Variants in EXOC6B observed in about 807,000 individuals in gnomAD.
The protein encoded by EXOC6B is exocyst complex component 6B.
A neutral mutation model predicts 113.5 loss-of-function variants in EXOC6B; 54 were observed. The ratio of observed to expected loss-of-function variants is 0.48; its 90% CI spans 0.38 to 0.60. The LOEUF (loss-of-function observed/expected upper bound fraction) is 0.60. Among genes scored for constraint, EXOC6B ranks in the 20% least tolerant of loss-of-function variants. EXOC6B has a pLI of 0.00. For synonymous variants in EXOC6B, 357 were observed against 339.0 expected, an observed-to-expected ratio of 1.05 and a Z score of -0.58; for missense variants, 797 against 977.5, an observed-to-expected ratio of 0.82 and a Z score of 2.46.
intron 6 of EXOC6B, among the ~76,000 whole-genome samples, chr2:72,634,976 T>C (rs1329861576): frequency 6.7e-6 from 1 of 149,574 alleles, no homozygotes; most frequent in Non-Finnish European, 1.5e-5. Flanking sequence ...AATATATGGG[T>C]CAAGAAAACA....
At chr2:72,572,445 C>T (rs1024103376) in intron 7 of EXOC6B, among the ~76,000 whole-genome samples, 1 of 152,184 alleles carries the variant, frequency 6.6e-6, no homozygotes, top group Non-Finnish European at 1.5e-5. Context: ...CACAAACCCC[C>T]TGAAATTTCA....
chr2:72,180,464 A>G (rs1678009165), intron 21 of EXOC6B, among the ~76,000 whole-genome samples: 1 of 152,206 alleles, frequency 6.6e-6, no homozygotes, highest in Non-Finnish European at 1.5e-5. Context: ...GCTGCTGCAC[A>G]CCAGACCCAT....
intron 1 of EXOC6B, among the ~76,000 whole-genome samples, chr2:72,823,982 G>A (rs1401078183): frequency 6.6e-6 from 1 of 152,150 alleles, no homozygotes; most frequent in African/African-American, 2.4e-5. Flanking sequence ...TGAAGAAAAT[G>A]GGAATTGAGA....
At chr2:72,645,459 C>G (rs554384851) in intron 6 of EXOC6B, among the ~76,000 whole-genome samples, 2 of 152,362 alleles carry the variant, frequency 1.3e-5, no homozygotes, top group East Asian at 3.9e-4. Context: ...ACCTACAGAA[C>G]TCTCCACCCC....
intron 1 of EXOC6B, among the ~76,000 whole-genome samples, chr2:72,766,330 C>T (rs1683059650): frequency 6.6e-6 from 1 of 152,146 alleles, no homozygotes; most frequent in Non-Finnish European, 1.5e-5. Context: ...GAAGAAAACA[C>T]TATCCAAAAC....
intron 6 of EXOC6B, among the ~76,000 whole-genome samples, chr2:72,586,459 C>A (rs112260242): frequency 6.6e-6 from 1 of 151,930 alleles, no homozygotes; most frequent in South Asian, 2.1e-4. Context: ...AAAAAAGACA[C>A]ACCGCAAACT....
chr2:72,764,286 T>C (rs1415618547), intron 1 of EXOC6B, among the ~76,000 whole-genome samples: 1 of 151,936 alleles, frequency 6.6e-6, no homozygotes, highest in Admixed American at 6.6e-5. Context: ...TATGCTTTTG[T>C]TTCTTGTATT....
chr2:72,597,412 G>A (rs1201894560), intron 6 of EXOC6B, among the ~76,000 whole-genome samples: 1 of 151,412 alleles, frequency 6.6e-6, no homozygotes, highest in Admixed American at 6.6e-5. Context: ...GCAAACCCAA[G>A]AACAACTGGT....
intron 1 of EXOC6B, among the ~76,000 whole-genome samples, chr2:72,781,558 C>G (rs1684036940): frequency 6.6e-6 from 1 of 152,112 alleles, no homozygotes; most frequent in Admixed American, 6.6e-5. Flanking sequence ...GCAAAAGCCA[C>G]CATAGACAAT....
At chr2:72,771,644 C>G (rs535030789) in intron 1 of EXOC6B, among the ~76,000 whole-genome samples, 1 of 152,128 alleles carries the variant, frequency 6.6e-6, no homozygotes, top group East Asian at 1.9e-4. Flanking sequence ...AAACAAGCAG[C>G]CAAATTTATG....
intron 16 of EXOC6B, among the ~76,000 whole-genome samples, chr2:72,486,662 A>G (rs1699437735): frequency 6.6e-6 from 1 of 152,086 alleles, no homozygotes; most frequent in African/African-American, 2.4e-5. Flanking sequence ...TTGCATTCAC[A>G]CACTCTGATT....
intron 6 of EXOC6B, among the ~76,000 whole-genome samples, chr2:72,598,297 C>A (rs868701478): frequency 2.6e-5 from 4 of 151,766 alleles, no homozygotes; most frequent in Non-Finnish European, 5.9e-5. Context: ...TGAGATTAAA[C>A]AACATACTTC....
chr2:72,230,009 A>G (rs1353234703), intron 20 of EXOC6B, among the ~76,000 whole-genome samples: 1 of 152,156 alleles, frequency 6.6e-6, no homozygotes, highest in Non-Finnish European at 1.5e-5. Context: ...GAACAGACAA[A>G]GCAGGAAAAA....
chr2:72,487,019 A>G (rs1221645465), intron 16 of EXOC6B, among the ~76,000 whole-genome samples: 1 of 152,126 alleles, frequency 6.6e-6, no homozygotes, highest in Non-Finnish European at 1.5e-5. Context: ...TTTTATTTAC[A>G]TAAACTCTTT....
intron 7 of EXOC6B, among the ~76,000 whole-genome samples, chr2:72,570,052 T>A (rs1704426242): frequency 1.3e-5 from 2 of 152,248 alleles, no homozygotes; most frequent in Admixed American, 1.3e-4. Flanking sequence ...TTAGTCCCAA[T>A]GTGACTGTAT....
chr2:72,509,801 G>C (rs896001977), intron 11 of EXOC6B, among the ~76,000 whole-genome samples: 2 of 151,778 alleles, frequency 1.3e-5, no homozygotes, highest in African/African-American at 2.4e-5. Context: ...TTCAATATCA[G>C]TATTAATTTT....
At chr2:72,201,361 AG>A (rs1432970982) in intron 20 of EXOC6B, among the ~76,000 whole-genome samples, 6 of 152,180 alleles carry the variant, frequency 3.9e-5, no homozygotes, top group African/African-American at 1.4e-4. Context: ...GTGCCCAGAA[AG>A]CAGGCAGCCT....
At chr2:72,639,808 T>C (rs1286708464) in intron 6 of EXOC6B, among the ~76,000 whole-genome samples, 2 of 152,146 alleles carry the variant, frequency 1.3e-5, no homozygotes, top group African/African-American at 4.8e-5. Flanking sequence ...TGAATCCACC[T>C]TATACCACAA....
chr2:72,648,833 T>C (rs1673942125), intron 6 of EXOC6B, among the ~76,000 whole-genome samples: 1 of 152,140 alleles, frequency 6.6e-6, no homozygotes, highest in Non-Finnish European at 1.5e-5. Flanking sequence ...TCTCATTGAT[T>C]TGTGGGAGCT....
Sources: allele counts gnomAD v4.1 joint callset (sites outside exome capture counted in the v4.1 genomes callset), GRCh38; gene constraint gnomAD v4.1.1; transcripts MANE v1.5; gene names NCBI Gene and HGNC (gene_info 2026-07-23, HGNC 2026-07-21).